CASK: variants seen among roughly 807,000 people sequenced by gnomAD.
The protein encoded by CASK is calcium/calmodulin dependent serine protein kinase.
Under a neutral mutation model 82.9 loss-of-function variants are expected in CASK, and 4 were observed. The observed-to-expected ratio is 0.05, with a 90% CI of 0.02 to 0.11. The LOEUF is 0.11. Ranked by LOEUF, CASK falls within the 10% of genes least tolerant of loss-of-function variation. CASK has a pLI of 1.00. For synonymous variants in CASK, 259 were observed against 253.5 expected (o/e 1.02, Z -0.20); for missense variants, 358 against 720.9 (o/e 0.50, Z 5.76).
At position 41,530,988 on chromosome X, in the gene CASK, C is replaced by T. The variant is rs765293367; in HGVS notation, c.2520+19G>A. The T allele has an allele frequency of 2.4e-5, 29 of 1,189,525 alleles. No individual in the cohort carries two copies. Among genetic ancestry groups the T allele is most frequent in the Admixed American group, 4.4e-5 (2 of 45,622 alleles). On this transcript the variant is annotated intron_variant, in intron 25 of 26. Coordinates refer to ENST00000378163, the MANE Select transcript of CASK (RefSeq NM_001367721.1). ...GCATGCAGGCAGGATGTCAGACATT[C>T]GGGGAGGCTGGGCATTACCTGAGGC...
intron 4 of CASK, among the ~76,000 whole-genome samples, chrX:41,740,737 C>T (rs192536437): frequency 4.4e-5 from 5 of 112,414 alleles, no homozygotes; most frequent in Admixed American, 9.4e-5. Context: ...CTCCTTACAA[C>T]GGGGCTTTAA....
At chrX:41,568,097 G>T (rs1285610344) in intron 16 of CASK, among the ~76,000 whole-genome samples, 12 of 103,056 alleles carry the variant, frequency 1.2e-4, no homozygotes, top group African/African-American at 4.3e-4. Context: ...CAGGGGGTGG[G>T]GGGCTGGGGG....
chrX:41,834,382 A>T (rs1218445189), intron 2 of CASK, among the ~76,000 whole-genome samples: 2 of 112,234 alleles, frequency 1.8e-5, no homozygotes, highest in Non-Finnish European at 3.8e-5. Flanking sequence ...AAGCATATCA[A>T]CTTTACGAAG....
intron 2 of CASK, among the ~76,000 whole-genome samples, chrX:41,809,879 T>C (rs1348654422): frequency 9.0e-6 from 1 of 111,564 alleles, no homozygotes; most frequent in Non-Finnish European, 1.9e-5. Context: ...ATAACTAATG[T>C]AGAAAAGTCC....
At chrX:41,733,552 T>A (rs187182537) in intron 5 of CASK, among the ~76,000 whole-genome samples, 24 of 109,662 alleles carry the variant, frequency 2.2e-4, no homozygotes, top group African/African-American at 8.0e-4. Flanking sequence ...ATCGAAACCA[T>A]CCTGGCTAAC....
intron 2 of CASK, among the ~76,000 whole-genome samples, chrX:41,806,895 T>C (rs1281918790): frequency 9.0e-6 from 1 of 110,771 alleles, no homozygotes; most frequent in Non-Finnish European, 1.9e-5. Flanking sequence ...TGAAGGAGGG[T>C]GGGAACAGGG....
At chrX:41,738,953 T>A (rs1465213834) in intron 5 of CASK, among the ~76,000 whole-genome samples, 2 of 112,612 alleles carry the variant, frequency 1.8e-5, no homozygotes, top group Admixed American at 1.9e-4. Context: ...TCATACTATA[T>A]TTAAAAACTA....
At chrX:41,904,498 C>T (rs1179556998) in intron 1 of CASK, among the ~76,000 whole-genome samples, 1 of 112,205 alleles carries the variant, frequency 8.9e-6, no homozygotes, top group Admixed American at 9.4e-5. Context: ...AACTACAAAA[C>T]ACTGCTGAGA....
intron 1 of CASK, among the ~76,000 whole-genome samples, chrX:41,869,387 A>C (rs1002668168): frequency 8.9e-5 from 10 of 111,964 alleles, no homozygotes; most frequent in Non-Finnish European, 9.4e-5. Context: ...TAAATCTTAA[A>C]GTTGGATTAA....
At chrX:41,747,023 GA>G (rs2068697905) in intron 3 of CASK, among the ~76,000 whole-genome samples, 1 of 110,566 alleles carries the variant, frequency 9.0e-6, no homozygotes, top group African/African-American at 3.3e-5. Context: ...TAAAGAACAA[GA>G]AAAAATATAT....
chrX:41,832,083 T>C (rs1216566423), intron 2 of CASK, among the ~76,000 whole-genome samples: 1 of 110,544 alleles, frequency 9.0e-6, no homozygotes, highest in Non-Finnish European at 1.9e-5. Flanking sequence ...TCATCAACTT[T>C]CTATGTAAGG....
chrX:41,922,417 T>C (rs1240619740), intron 1 of CASK, among the ~76,000 whole-genome samples: 2 of 111,499 alleles, frequency 1.8e-5, no homozygotes, highest in South Asian at 7.6e-4. Flanking sequence ...GGGAATTTGC[T>C]GAAACTGAAA....
intron 15 of CASK, among the ~76,000 whole-genome samples, chrX:41,577,540 C>A (rs987656435): frequency 4.5e-5 from 5 of 111,829 alleles, no homozygotes; most frequent in Non-Finnish European, 9.4e-5. Flanking sequence ...TGTCTTCCAA[C>A]ACTTGTATGA....
At chrX:41,727,847 T>C in intron 5 of CASK, 1 of 1,191,040 alleles carries the variant, frequency 8.4e-7, no homozygotes, top group Non-Finnish European at 1.1e-6. Flanking sequence ...ATTTTTTATG[T>C]TCTACACCAA....
chrX:41,699,650 C>G, intron 5 of CASK, among the ~76,000 whole-genome samples: 1 of 110,441 alleles, frequency 9.1e-6, no homozygotes, highest in Middle Eastern at 4.9e-3. Context: ...TAGATGATTA[C>G]TATAAAGCTC....
intron 3 of CASK, among the ~76,000 whole-genome samples, chrX:41,781,883 T>C (rs5964046): frequency 0.014 from 1,603 of 111,974 alleles, 31 homozygotes; most frequent in African/African-American, 0.049. Flanking sequence ...TCTAGTTTGC[T>C]TCTGGCCCTT....
At chrX:41,901,531 C>T (rs185359950) in intron 1 of CASK, among the ~76,000 whole-genome samples, 1 of 110,864 alleles carries the variant, frequency 9.0e-6, no homozygotes, top group East Asian at 2.8e-4. Context: ...TTGCAGTCTT[C>T]ACAGACTGGC....
chrX:41,766,732 C>T (rs2069122126), intron 3 of CASK, among the ~76,000 whole-genome samples: 1 of 111,343 alleles, frequency 9.0e-6, no homozygotes, highest in Admixed American at 9.6e-5. Flanking sequence ...ATAAAAAATA[C>T]AGAAATTAGC....
chrX:41,650,521 T>C (rs1162450848), intron 8 of CASK, among the ~76,000 whole-genome samples: 1 of 108,313 alleles, frequency 9.2e-6, no homozygotes, highest in Non-Finnish European at 1.9e-5. Context: ...CATTACAAAG[T>C]TTTTCTTCAT....
Sources: allele counts gnomAD v4.1 joint callset (sites outside exome capture counted in the v4.1 genomes callset), GRCh38; gene constraint gnomAD v4.1.1; transcripts MANE v1.5; gene names NCBI Gene and HGNC (gene_info 2026-07-23, HGNC 2026-07-21).